The following PRELID2 variants were observed in gnomAD, a reference collection of about 807,000 sequenced individuals.
The protein encoded by PRELID2 is PRELI domain-containing protein 2.
PRELID2 carries 25 observed loss-of-function variants against 28.4 expected under a neutral mutation model. The ratio of observed to expected loss-of-function variants is 0.88; its 90% CI spans 0.64 to 1.23. PRELID2 has a LOEUF of 1.23. PRELID2 is among the 50% of genes most tolerant of loss of function. The pLI, the probability that PRELID2 is intolerant of heterozygous loss-of-function variation, is 0.00. For synonymous variants in PRELID2, 76 were observed against 71.6 expected (o/e 1.06, Z -0.31); for missense variants, 201 against 214.4 (o/e 0.94, Z 0.39).
intron 1 of PRELID2, among the ~76,000 whole-genome samples, chr5:145,567,729 C>T (rs1368036494): frequency 6.6e-6 from 1 of 152,128 alleles, no homozygotes; most frequent in African/African-American, 2.4e-5. Context: ...CTTCTCTTTC[C>T]TGCTGCCATG....
Position 145,514,776 on chromosome 5 carries a change from AAAAG to A in PRELID2, n.71-41465_71-41462del, listed in dbSNP as rs557538931. ...AAACACTCCTTAGCAAATGCAAAAA[AAAAG>A]AAAGAAAAGGAAATCATAACAAACA... On this transcript the variant is annotated intron_variant and non_coding_transcript_variant, in intron 1 of 2. Transcript: ENST00000510259. Among the ~76,000 whole-genome samples, 329 of 152,312 alleles carry A rather than the reference AAAAG, an allele frequency of 2.2e-3. 8 individuals are homozygous for A. Among genetic ancestry groups the A allele is most frequent in the Non-Finnish European group, 3.4e-4 (23 of 68,024 alleles).
At chr5:145,689,126 C>T (rs960099007) in intron 1 of PRELID2, among the ~76,000 whole-genome samples, 4 of 151,906 alleles carry the variant, frequency 2.6e-5, no homozygotes, top group Admixed American at 1.3e-4. Flanking sequence ...GGAAAAGGGC[C>T]GCTGGAGAGA....
chr5:145,488,295 T>C (rs1752238759), intron 1 of PRELID2, among the ~76,000 whole-genome samples: 1 of 152,012 alleles, frequency 6.6e-6, no homozygotes, highest in Admixed American at 6.6e-5. Context: ...AGGAAAGAAT[T>C]AAGATTATCA....
chr5:145,329,201 A>G, the PRELID2 span, among the ~76,000 whole-genome samples: 1 of 152,168 alleles, frequency 6.6e-6, no homozygotes, highest in Non-Finnish European at 1.5e-5. Flanking sequence ...GTTTGAGGTC[A>G]GGTAGCGCGA....
chr5:145,438,335 TG>T, the PRELID2 span, among the ~76,000 whole-genome samples: 1 of 152,130 alleles, frequency 6.6e-6, no homozygotes, highest in South Asian at 2.1e-4. Flanking sequence ...AGCAAAACTC[TG>T]TTTGACTTTC....
the PRELID2 span, among the ~76,000 whole-genome samples, chr5:145,384,211 G>A: frequency 1.6e-3 from 236 of 152,254 alleles, no homozygotes; most frequent in African/African-American, 5.5e-3. Flanking sequence ...TCGCTAAAGA[G>A]AGAATGTAAA....
At chr5:145,586,705 G>A (rs1424582892) in intron 1 of PRELID2, among the ~76,000 whole-genome samples, 1 of 152,080 alleles carries the variant, frequency 6.6e-6, no homozygotes, top group Non-Finnish European at 1.5e-5. Flanking sequence ...CTCTGAGCAT[G>A]AGGTAGGTCA....
chr5:145,395,141 C>T, the PRELID2 span, among the ~76,000 whole-genome samples: 41 of 152,030 alleles, frequency 2.7e-4, no homozygotes, highest in African/African-American at 9.4e-4. Context: ...TTTACAACCC[C>T]TCCACGAGAT....
At chr5:145,314,658 T>A in the PRELID2 span, among the ~76,000 whole-genome samples, 446 of 152,140 alleles carry the variant, frequency 2.9e-3, no homozygotes, top group African/African-American at 0.01. Context: ...TCAATAATTA[T>A]TTAGATTTTG....
At chr5:145,824,424 G>T (rs1324121929) in intron 1 of PRELID2, among the ~76,000 whole-genome samples, 1 of 120,544 alleles carries the variant, frequency 8.3e-6, no homozygotes, top group Non-Finnish European at 1.7e-5. Flanking sequence ...CCCACAGCAG[G>T]CGTGTGTGTG....
chr5:145,766,149 T>TA (rs150349581), intron 5 of PRELID2, among the ~76,000 whole-genome samples: 4,312 of 152,270 alleles, frequency 0.028, 208 homozygotes, highest in African/African-American at 0.097. Context: ...GATGCAATTA[T>TA]AAACTGAGGT....
intron 1 of PRELID2, among the ~76,000 whole-genome samples, chr5:145,483,402 T>C (rs7704248): frequency 0.64 from 97,382 of 152,052 alleles, 32,168 homozygotes; most frequent in East Asian, 1. Flanking sequence ...CTAGACTGCA[T>C]CATTGTCCTG....
intron 1 of PRELID2, among the ~76,000 whole-genome samples, chr5:145,519,165 A>G (rs951357674): frequency 6.6e-6 from 1 of 152,180 alleles, no homozygotes; most frequent in Non-Finnish European, 1.5e-5. Flanking sequence ...TAGCACTAGG[A>G]GCCTGACTTC....
chr5:145,558,441 A>G (rs1351219966), intron 1 of PRELID2, among the ~76,000 whole-genome samples: 1 of 152,206 alleles, frequency 6.6e-6, no homozygotes, highest in Non-Finnish European at 1.5e-5. Context: ...GAAGACTAAA[A>G]ATTCCACAGT....
chr5:145,705,939 TACAC>T lies in PRELID2; in HGVS notation n.70+58988_70+58991del, dbSNP rs61283424. 8.0e-4 allele frequency among the ~76,000 whole-genome samples: 116 copies of T among 145,544 alleles called. 1 individual carries two copies. Among genetic ancestry groups the T allele is most frequent in the South Asian group, 1.3e-3 (6 of 4,578 alleles). On this transcript the variant is annotated intron_variant and non_coding_transcript_variant, in intron 1 of 2. Coordinates refer to the PRELID2 transcript ENST00000510259. ...CACCACCCATGCACACATGTGCGCC[TACAC>T]ACACACACACACACACACACACACA...
At chr5:145,258,594 G>A in the PRELID2 span, among the ~76,000 whole-genome samples, 178 of 152,272 alleles carry the variant, frequency 1.2e-3, 2 homozygotes, top group Admixed American at 4.3e-3. Context: ...AACAAATTTC[G>A]AAGCAGTAAA....
the PRELID2 span, among the ~76,000 whole-genome samples, chr5:145,287,545 T>C: frequency 6.6e-6 from 1 of 152,180 alleles, no homozygotes; most frequent in African/African-American, 2.4e-5. Flanking sequence ...CCATTTAAAA[T>C]GTTTGGACCA....
At chr5:145,395,870 C>A in the PRELID2 span, among the ~76,000 whole-genome samples, 2 of 152,112 alleles carry the variant, frequency 1.3e-5, no homozygotes, top group African/African-American at 4.8e-5. Context: ...TTCCTCCAAC[C>A]AGATAGTCAC....
chr5:145,681,770 A>G (rs1754940754), intron 1 of PRELID2, among the ~76,000 whole-genome samples: 1 of 152,172 alleles, frequency 6.6e-6, no homozygotes, highest in African/African-American at 2.4e-5. Context: ...CCCAGTAGCA[A>G]TAGTGCATCC....
Sources: allele counts gnomAD v4.1 joint callset (sites outside exome capture counted in the v4.1 genomes callset), GRCh38; gene constraint gnomAD v4.1.1; transcripts MANE v1.5; gene names NCBI Gene and HGNC (gene_info 2026-07-23, HGNC 2026-07-21).